Variants in PACS2 observed in about 807,000 individuals in gnomAD.
The protein encoded by PACS2 is PACS1-like protein.
Under a neutral mutation model 113.0 loss-of-function variants are expected in PACS2, and 36 were observed. The ratio of observed to expected loss-of-function variants is 0.32; its 90% CI spans 0.24 to 0.42. The LOEUF is 0.42. PACS2 is among the 10% of genes least tolerant of loss of function. PACS2 has a pLI of 1.00. For synonymous variants in PACS2, 589 were observed against 536.1 expected, an observed-to-expected ratio of 1.10 and a Z score of -1.36; for missense variants, 1,015 against 1,239.5, an observed-to-expected ratio of 0.82 and a Z score of 2.72.
chr14:105,352,801 G>A (rs1168001021), intron 3 of PACS2, among the ~76,000 whole-genome samples: 9 of 136,776 alleles, frequency 6.6e-5, no homozygotes, highest in Non-Finnish European at 1.3e-4. Context: ...GTTCCCTGGG[G>A]AGACGGGCCC....
Position 105,309,270 on chromosome 14 carries a change from A to G in PACS2, c.-83+8291A>G. On this transcript the variant is annotated intron_variant, in intron 1 of 23. Transcript: ENST00000430725. The surrounding 1 kb of genome is among the most constrained non-coding windows in gnomAD (Gnocchi z 4.0). ...TAATCTTGGGGCTCAGGATAACCAC[A>G]GTCAAGAGGGGAGAGTTTTATTCCT... is the stretch of plus-strand genomic sequence containing the variant. Among the ~76,000 whole-genome samples, 1 of 152,250 alleles carries G rather than the reference A, an allele frequency of 6.6e-6. No individual in the cohort carries two copies.
rs587737296 is a variant in PACS2, at chr14:105,316,678, G to A, written c.119+1641G>A. ...GCTCTATTCTCCAGGGGTCTAGAAA[G>A]CCCACTCTGGTGTCTGTGGGGAGGG... On this transcript the variant is annotated intron_variant, in intron 1 of 24. Transcript: ENST00000447393. Among the ~76,000 whole-genome samples the A allele has an allele frequency of 1.2e-4, 18 of 152,116 alleles. No homozygotes were observed. In the South Asian group the frequency reaches 3.8e-3, roughly 32 times the overall value.
Position 105,317,916 on chromosome 14 carries a change from C to T in PACS2, c.119+2879C>T, listed in dbSNP as rs895687903. On this transcript the variant is annotated intron_variant, in intron 1 of 24. Coordinates refer to ENST00000447393, the MANE Select transcript of PACS2 (RefSeq NM_001100913.3). The surrounding 1 kb of genome is among the most constrained non-coding windows in gnomAD (Gnocchi z 4.2). Reference sequence around the variant, plus strand: ...GAGGCCTGTGCTCCGGGTTTCCTTGCGACGCTTTTGGCTCAGCACTGTTAC... The same window carrying T: ...GAGGCCTGTGCTCCGGGTTTCCTTGTGACGCTTTTGGCTCAGCACTGTTAC... 3.3e-5 allele frequency among the ~76,000 whole-genome samples: 5 copies of T among 152,082 alleles called. No individual in the cohort carries two copies. Among genetic ancestry groups the T allele is most frequent in the Non-Finnish European group, 7.4e-5 (5 of 68,010 alleles).
intron 21 of PACS2, 116 bp from the exon 22 acceptor site, chr14:105,391,512 TCCC>T: frequency 1.1e-5 from 7 of 611,280 alleles, no homozygotes; most frequent in East Asian, 2.9e-5. Context: ...CACTGGGGAC[TCCC>T]ACCCTGCCCA....
In PACS2 at chr14:105,361,727, G is replaced by GTGGA; in HGVS notation, c.424-5485_424-5484insGGAT. Among the ~76,000 whole-genome samples the GTGGA allele has an allele frequency of 6.0e-5, 9 of 150,970 alleles. No individual in the cohort carries two copies. In the South Asian group the frequency reaches 1.5e-3, roughly 25 times the overall value. On this transcript the variant is annotated intron_variant, in intron 4 of 24. Transcript: ENST00000447393. ...CACTTTGGGAGGCCAAGGCGGGCAG[G>GTGGA]TCACCTGAGGTCGGGAGCTCGAGAC...
intron 24 of PACS2, chr14:105,393,646 A>G (rs2081441543): frequency 3.6e-6 from 1 of 276,810 alleles, no homozygotes; most frequent in Non-Finnish European, 6.8e-6. Flanking sequence ...CTGGAGTGCA[A>G]TGGTGTGATC....
chr14:105,389,258 A>C (rs587758538), intron 19 of PACS2: 3 of 152,424 alleles, frequency 2.0e-5, no homozygotes, highest in Non-Finnish European at 4.4e-5. Context: ...GGCTGCTGTT[A>C]CCTGCCAGAT....
At chr14:105,364,456 G>GGTGGGCGGCGTCCCGGGTGCGCA (rs2060870202) in intron 4 of PACS2, among the ~76,000 whole-genome samples, 1 of 133,302 alleles carries the variant, frequency 7.5e-6, no homozygotes, top group African/African-American at 3.0e-5. Context: ...CCGGGTGCGC[G>GGTGGGCGGCGTCCCGGGTGCGCA]GTGGGCGGCG....
chr14:105,372,479 A>G (rs181901452), intron 8 of PACS2: 1 of 152,388 alleles, frequency 6.6e-6, no homozygotes, highest in African/African-American at 2.4e-5. Flanking sequence ...GCCTTAAAAA[A>G]TATGAACTTA....
rs2058561339 is a variant in PACS2, at chr14:105,315,543, C to T, written c.119+506C>T. On this transcript the variant is annotated intron_variant, in intron 1 of 24. Coordinates refer to ENST00000447393, the MANE Select transcript of PACS2 (RefSeq NM_001100913.3). This position sits in a 1 kb window ranked among gnomAD's most constrained non-coding sequence, Gnocchi z 4.4. ...GCCCTGTCCTGCGGGGCGGGGTCGT[C>T]CTCGCGGGTACCTGGTTGGCGCTGT... is the stretch of plus-strand genomic sequence containing the variant. The T allele has an allele frequency of 6.6e-6, 1 of 152,276 alleles. No individual in the cohort carries two copies. Among genetic ancestry groups the T allele is most frequent in the African/African-American group, 2.4e-5 (1 of 41,458 alleles). The allele number at this position is 152,276 out of a possible 1,614,324, so 9.4% of individuals were successfully genotyped here.
rs587677834 is a variant in PACS2 at position 105,383,212 on chromosome 14, G to T, written c.1626-147G>T. On this transcript the variant is annotated intron_variant, in intron 15 of 24. Transcript: ENST00000447393. The stretch of plus-strand genomic sequence containing the variant: ...CCTGGGCACGTTTGGGCATGTGGGG[G>T]TCCTGGGCTTGGGCAGCTCCAGGGC... 63 of 902,938 alleles carry T rather than the reference G, an allele frequency of 7.0e-5. No homozygotes were observed. In the Admixed American group the frequency reaches 7.8e-4, roughly 11 times the overall value. The allele number at this position is 902,938 out of a possible 1,614,324, so 55.9% of individuals were successfully genotyped here.
At chr14:105,343,670 G>C (rs2059815889) in intron 1 of PACS2, among the ~76,000 whole-genome samples, 1 of 150,888 alleles carries the variant, frequency 6.6e-6, no homozygotes, top group Non-Finnish European at 1.5e-5. Flanking sequence ...ATCTTTTCTG[G>C]TGAAACGTCT....
chr14:105,316,048 G>A (rs1403930603), intron 1 of PACS2, among the ~76,000 whole-genome samples: 1 of 152,220 alleles, frequency 6.6e-6, no homozygotes, highest in Non-Finnish European at 1.5e-5. Context: ...GTGCTTTCCT[G>A]TGGCTCCCAC....
At chr14:105,392,868 G>T in intron 23 of PACS2, 23 bp downstream of exon 23, 8 of 1,541,084 alleles carry the variant, frequency 5.2e-6, no homozygotes, top group Non-Finnish European at 7.1e-6. Flanking sequence ...AGGCTATAAG[G>T]CCACACGGCG....
At position 105,393,152 on chromosome 14, in the gene PACS2, G is replaced by C. The variant is rs115168974; in HGVS notation, c.2483-70G>C. On this transcript the variant is annotated intron_variant, in intron 23 of 24. Coordinates refer to ENST00000447393, the MANE Select transcript of PACS2 (RefSeq NM_001100913.3). ...TGAGCCCCCAGTGCCTCCCCCACAC[G>C]TACCCCTGGCCCTGGCCCCAGCCCC... 1.5e-3 allele frequency: 1,774 copies of C among 1,212,686 alleles called. 28 individuals are homozygous for C. In the African/African-American group the frequency reaches 0.023, roughly 16 times the overall value. The allele number at this position is 1,212,686 out of a possible 1,614,324, so 75.1% of individuals were successfully genotyped here.
Position 105,384,450 on chromosome 14 carries a change from G to A in PACS2, c.1878G>A (p.Glu626=). 2 of 1,610,094 alleles carry A rather than the reference G, an allele frequency of 1.2e-6. No homozygotes were observed. Among genetic ancestry groups the A allele is most frequent in the Non-Finnish European group, 8.5e-7 (1 of 1,178,150 alleles). ...LAWRDLFNKL[E]AQSAVQDTPD... is the part of the protein sequence containing the mutation. ...GGAGAGACCTGTTCAACAAGCTGGA[G>A]GCCCAGAGTGCGGGTGAGGCCCGGG... Residue 626 remains glutamate (E), a synonymous_variant, in exon 17 of 25, where the codon GAG becomes GAA. Coordinates refer to ENST00000447393, the MANE Select transcript of PACS2 (RefSeq NM_001100913.3).
chr14:105,318,171 C>T (rs2140812342), intron 1 of PACS2, among the ~76,000 whole-genome samples: 1 of 152,332 alleles, frequency 6.6e-6, no homozygotes, highest in South Asian at 2.1e-4. Context: ...GTTGCAGAGA[C>T]AGGGTCTCCC....
chr14:105,370,438 C>T (rs2061108991), intron 8 of PACS2: 1 of 152,232 alleles, frequency 6.6e-6, no homozygotes. Flanking sequence ...CATGGCTGGG[C>T]TCAGTGGCTC....
chr14:105,391,034 G>A (rs2081339154), intron 20 of PACS2, 173 bp from the exon 21 acceptor site: 1 of 635,868 alleles, frequency 1.6e-6, no homozygotes, highest in African/African-American at 1.8e-5. Context: ...GCTGCTCTGA[G>A]CTCAGCTCTG....
Sources: allele counts gnomAD v4.1 joint callset (sites outside exome capture counted in the v4.1 genomes callset), GRCh38; gene constraint gnomAD v4.1.1; non-coding constraint Gnocchi (gnomAD v3.1); transcripts MANE v1.5; gene names NCBI Gene and HGNC (gene_info 2026-07-23, HGNC 2026-07-21).